TBL1X: variants seen among roughly 807,000 people sequenced by gnomAD.
TBL1X encodes the protein transducin beta like 1 X-linked.
TBL1X carries 10 observed loss-of-function variants against 50.7 expected under a neutral mutation model. That is an observed-to-expected ratio of 0.20 (90% CI 0.12 to 0.33). TBL1X has a LOEUF of 0.33. TBL1X is among the 10% of genes least tolerant of loss of function. The pLI, the probability that TBL1X is intolerant of heterozygous loss-of-function variation, is 1.00. For synonymous variants in TBL1X, 190 were observed against 214.7 expected (o/e 0.88, Z 1.01); for missense variants, 340 against 504.4 (o/e 0.67, Z 3.12).
chrX:9,619,893 G>A (rs914265498), intron 2 of TBL1X, among the ~76,000 whole-genome samples: 3 of 112,381 alleles, frequency 2.7e-5, no homozygotes, highest in Admixed American at 1.9e-4. Context: ...CTGTGCACAC[G>A]TAAATCAGTG....
At chrX:9,512,427 T>G (rs776749812) in intron 2 of TBL1X, among the ~76,000 whole-genome samples, 14 of 111,565 alleles carry the variant, frequency 1.3e-4, no homozygotes, top group Non-Finnish European at 2.6e-4. Flanking sequence ...TCTTTGGACA[T>G]CACTGTATTT....
intron 12 of TBL1X, among the ~76,000 whole-genome samples, chrX:9,698,708 C>T (rs905825096): frequency 3.6e-5 from 4 of 111,969 alleles, no homozygotes; most frequent in Non-Finnish European, 5.6e-5. Context: ...CCGCTTGCGT[C>T]TGTTAGGGGA....
chrX:9,670,476 G>A (rs1484496727), intron 5 of TBL1X, among the ~76,000 whole-genome samples: 5 of 111,938 alleles, frequency 4.5e-5, no homozygotes, highest in Non-Finnish European at 9.4e-5. Context: ...CGTACAGCCG[G>A]CTCTGCATGA....
chrX:9,600,148 T>C (rs1323117374), intron 2 of TBL1X, among the ~76,000 whole-genome samples: 1 of 111,726 alleles, frequency 9.0e-6, no homozygotes, highest in East Asian at 2.8e-4. Context: ...CTTAGTCTGA[T>C]CCGGCTGCTG....
chrX:9,569,091 GTC>G (rs1273379129), intron 2 of TBL1X, among the ~76,000 whole-genome samples: 3 of 106,540 alleles, frequency 2.8e-5, no homozygotes, highest in East Asian at 3.1e-4. Flanking sequence ...CTGTGTGTGT[GTC>G]TCTGCAGTGT....
intron 1 of TBL1X, among the ~76,000 whole-genome samples, chrX:9,480,713 T>C (rs1042034144): frequency 2.8e-5 from 3 of 108,869 alleles, no homozygotes; most frequent in African/African-American, 1.0e-4. Context: ...TCTAAACATT[T>C]GATATTTGAC....
At chrX:9,669,613 C>G (rs2082949374) in intron 5 of TBL1X, among the ~76,000 whole-genome samples, 1 of 111,432 alleles carries the variant, frequency 9.0e-6, no homozygotes, top group Admixed American at 9.6e-5. Flanking sequence ...AATGCTGTGC[C>G]AAAACTACAG....
At chrX:9,466,706 C>T (rs1346694890) in intron 1 of TBL1X, among the ~76,000 whole-genome samples, 2 of 112,088 alleles carry the variant, frequency 1.8e-5, no homozygotes, top group Non-Finnish European at 1.9e-5. Flanking sequence ...TTGGAAGTGG[C>T]ACTTGACGAT....
intron 2 of TBL1X, among the ~76,000 whole-genome samples, chrX:9,626,331 C>G (rs1207613200): frequency 8.9e-6 from 1 of 111,847 alleles, no homozygotes; most frequent in Non-Finnish European, 1.9e-5. Context: ...AGATATTTGA[C>G]TGTTGGAAAT....
intron 2 of TBL1X, among the ~76,000 whole-genome samples, chrX:9,563,226 T>C (rs386476886): frequency 1.3e-4 from 15 of 112,814 alleles, no homozygotes; most frequent in Non-Finnish European, 2.8e-4. Context: ...TTATAATACA[T>C]GTTACTGTTC....
rs185908053 is a variant in TBL1X, at chrX:9,509,924, C to T, written c.-131+8075C>T. Among the ~76,000 whole-genome samples the T allele has an allele frequency of 3.3e-3, 361 of 111,016 alleles. 2 individuals carry two copies. The highest frequency in any genetic ancestry group is 0.011 in the African/African-American group (346 of 30,495). On this transcript the variant is annotated intron_variant, in intron 2 of 17. Coordinates refer to ENST00000645353, the MANE Select transcript of TBL1X (RefSeq NM_005647.4). ...GTGTGTGTGGAGGGCAGGAAAGTGC[C>T]GTCCTTGCTGTAACTTGTGTTATTA...
chrX:9,605,629 T>C (rs1016546969), intron 2 of TBL1X, among the ~76,000 whole-genome samples: 4 of 112,533 alleles, frequency 3.6e-5, no homozygotes, highest in Non-Finnish European at 5.6e-5. Flanking sequence ...GAGCAAATTA[T>C]TCTCTGGGGA....
intron 2 of TBL1X, among the ~76,000 whole-genome samples, chrX:9,568,092 T>G (rs1389564360): frequency 8.9e-6 from 1 of 112,183 alleles, no homozygotes; most frequent in Admixed American, 9.4e-5. Flanking sequence ...TCCTGGTTCT[T>G]GTCCCACTCC....
intron 2 of TBL1X, among the ~76,000 whole-genome samples, chrX:9,638,854 A>G (rs1286488775): frequency 9.0e-6 from 1 of 111,710 alleles, no homozygotes. Flanking sequence ...AATCCTGAAA[A>G]CAGTAATTTG....
intron 2 of TBL1X, among the ~76,000 whole-genome samples, chrX:9,591,994 T>G (rs1310997728): frequency 8.9e-6 from 1 of 112,485 alleles, no homozygotes; most frequent in African/African-American, 3.2e-5. Context: ...TCTTTTGAGT[T>G]GGAATATAAA....
chrX:9,652,903 A>G (rs188589505), intron 3 of TBL1X, among the ~76,000 whole-genome samples: 144 of 111,227 alleles, frequency 1.3e-3, no homozygotes, highest in African/African-American at 4.4e-3. Context: ...GTGGTGGCTC[A>G]CGCCCGTAAT....
intron 2 of TBL1X, among the ~76,000 whole-genome samples, chrX:9,542,632 G>C (rs1465203447): frequency 1.8e-5 from 2 of 110,267 alleles, no homozygotes; most frequent in African/African-American, 6.8e-5. Context: ...TTCGCAGCAT[G>C]GTAACTTCTC....
chrX:9,477,148 A>C (rs1453484059), intron 1 of TBL1X, among the ~76,000 whole-genome samples: 1 of 112,177 alleles, frequency 8.9e-6, no homozygotes, highest in Non-Finnish European at 1.9e-5. Context: ...ACACAGAGTA[A>C]GTTGTCCTTT....
intron 2 of TBL1X, among the ~76,000 whole-genome samples, chrX:9,633,967 G>C (rs1022195070): frequency 9.0e-6 from 1 of 111,328 alleles, no homozygotes; most frequent in African/African-American, 3.3e-5. Flanking sequence ...GGATACGTAC[G>C]TGCAGCCCAG....
Sources: gnomAD v4.1 joint callset for allele counts (sites outside exome capture counted in the v4.1 genomes callset) on GRCh38, gnomAD v4.1.1 for gene constraint, MANE v1.5 for transcripts, NCBI Gene and HGNC (gene_info 2026-07-23, HGNC 2026-07-21) for gene names.